RBM6: variants seen among roughly 807,000 people sequenced by gnomAD.
RBM6 encodes RNA-binding protein 6.
In RBM6, 23 loss-of-function variants were observed where a neutral mutation model predicts 140.4. That is an observed-to-expected ratio of 0.16 (90% CI 0.12 to 0.23). The LOEUF (loss-of-function observed/expected upper bound fraction) is 0.23, where lower values mean the gene tolerates loss of function less well. RBM6 is among the 10% of genes least tolerant of loss of function. The pLI is 1.00. For synonymous variants in RBM6, 439 were observed against 475.6 expected (o/e 0.92, Z 1.00); for missense variants, 1,139 against 1,386.7 (o/e 0.82, Z 2.84).
intron 6 of RBM6, among the ~76,000 whole-genome samples, chr3:50,043,686 C>T (rs938546525): frequency 2.0e-5 from 3 of 151,518 alleles, no homozygotes; most frequent in South Asian, 2.1e-4. Context: ...CTGGTTCAAA[C>T]GGTTCTCCTG....
chr3:49,946,165 C>T (rs943821715), intron 1 of RBM6, among the ~76,000 whole-genome samples: 12 of 152,038 alleles, frequency 7.9e-5, no homozygotes, highest in Non-Finnish European at 1.5e-4. Flanking sequence ...TTATGGCAGT[C>T]CTAGCATACT....
chr3:49,951,611 C>G (rs910639049), intron 1 of RBM6, among the ~76,000 whole-genome samples: 1 of 151,804 alleles, frequency 6.6e-6, no homozygotes, highest in African/African-American at 2.4e-5. Flanking sequence ...CACTCTGTTG[C>G]CCAGGCTGGA....
intron 5 of RBM6, among the ~76,000 whole-genome samples, chr3:49,984,875 C>T (rs2085491849): frequency 6.6e-6 from 1 of 152,172 alleles, no homozygotes; most frequent in African/African-American, 2.4e-5. Flanking sequence ...TGCCACTTAC[C>T]AGTTTTGAGA....
In RBM6 at chr3:50,066,390, A is replaced by G. The variant is rs2090123251; in HGVS notation, c.2831A>G (p.Asn944Ser). Residue 944 changes from asparagine (N) to serine (S), a missense_variant, in exon 17 of 21, where the codon AAT (asparagine) becomes AGT (serine). Transcript: ENST00000266022. ...QKREEQTKKE[N>S]EEDKLTDWNK... ...CGAGAGGAGCAAACCAAGAAGGAGA[A>G]TGAAGAAGACAAACTCACTGACTGG... 9 of 1,614,130 alleles carry G rather than the reference A, an allele frequency of 5.6e-6. No individual in the cohort carries two copies. The highest frequency in any genetic ancestry group is 7.6e-6 in the Non-Finnish European group (9 of 1,180,034).
chr3:50,062,210 A>G (rs934648271), intron 15 of RBM6, 102 bp downstream of exon 15: 1 of 1,386,762 alleles, frequency 7.2e-7, no homozygotes, highest in Non-Finnish European at 9.7e-7. Context: ...AGTAACTTTA[A>G]AAATACTCTG....
chr3:49,997,580 A>T (rs1048614825), intron 5 of RBM6, among the ~76,000 whole-genome samples: 1 of 152,128 alleles, frequency 6.6e-6, no homozygotes, highest in Non-Finnish European at 1.5e-5. Flanking sequence ...ACACCTGGGT[A>T]CTCCATTGAT....
intron 5 of RBM6, among the ~76,000 whole-genome samples, chr3:49,995,032 G>A (rs973824281): frequency 2.6e-5 from 4 of 152,122 alleles, no homozygotes; most frequent in South Asian, 4.1e-4. Flanking sequence ...TCAGTATCTC[G>A]TGAGTCAGCT....
At chr3:50,024,500 A>G (rs368057000) in intron 6 of RBM6, among the ~76,000 whole-genome samples, 2 of 152,076 alleles carry the variant, frequency 1.3e-5, no homozygotes, top group South Asian at 4.1e-4. Flanking sequence ...TTTGAGCCTT[A>G]TGTAATTAGA....
chr3:49,948,470 T>A (rs1201383746), intron 1 of RBM6, among the ~76,000 whole-genome samples: 3 of 152,100 alleles, frequency 2.0e-5, no homozygotes, highest in Admixed American at 2.0e-4. Context: ...CTCACGCCTG[T>A]AATCCCAGCA....
chr3:50,011,291 A>T (rs1254502246), intron 6 of RBM6, among the ~76,000 whole-genome samples: 2 of 152,206 alleles, frequency 1.3e-5, no homozygotes, highest in African/African-American at 4.8e-5. Flanking sequence ...ATTTAAGCTA[A>T]ACATCTGAAA....
intron 6 of RBM6, among the ~76,000 whole-genome samples, chr3:50,007,343 C>T (rs531705575): frequency 2.6e-4 from 40 of 151,574 alleles, no homozygotes; most frequent in Admixed American, 1.1e-3. Flanking sequence ...GCTACAGACA[C>T]GTGCCTGGCT....
At chr3:50,020,719 A>G (rs1575714351) in intron 6 of RBM6, among the ~76,000 whole-genome samples, 2 of 152,228 alleles carry the variant, frequency 1.3e-5, no homozygotes, top group Admixed American at 6.5e-5. Context: ...CACCTAGGCT[A>G]TATCATTTAG....
chr3:50,014,206 T>C (rs979322896), intron 6 of RBM6, among the ~76,000 whole-genome samples: 1 of 152,112 alleles, frequency 6.6e-6, no homozygotes, highest in African/African-American at 2.4e-5. Context: ...GGGAATATAG[T>C]GGGAATGCTG....
chr3:50,013,157 T>G lies in RBM6; in HGVS notation c.1557+13644T>G, dbSNP rs2086946678. On this transcript the variant is annotated intron_variant, in intron 6 of 20. Coordinates refer to ENST00000266022, the MANE Select transcript of RBM6 (RefSeq NM_005777.3). ...CTCCCACCAGACTCTTCCTTTGAGGTTGGATGGAGGTGCTTAATGGATGCT... is the reference window on the plus strand; with the variant it reads ...CTCCCACCAGACTCTTCCTTTGAGGGTGGATGGAGGTGCTTAATGGATGCT... 1.3e-5 allele frequency among the ~76,000 whole-genome samples: 2 copies of G among 152,060 alleles called. 1 individual carries two copies. The highest frequency in any genetic ancestry group is 4.8e-5 in the African/African-American group (2 of 41,390).
chr3:49,942,474 G>GCGAGACTC (rs2083328055), intron 1 of RBM6, among the ~76,000 whole-genome samples: 2 of 147,498 alleles, frequency 1.4e-5, no homozygotes, highest in South Asian at 2.1e-4. Context: ...GGGCAACAGA[G>GCGAGACTC]CGAGACTCCG....
At chr3:50,027,199 A>G (rs1323723120) in intron 6 of RBM6, among the ~76,000 whole-genome samples, 1 of 152,108 alleles carries the variant, frequency 6.6e-6, no homozygotes, top group Non-Finnish European at 1.5e-5. Context: ...GGCTTGGGGT[A>G]GGAGGGGTAG....
chr3:49,943,136 A>G (rs1471929155), intron 1 of RBM6, among the ~76,000 whole-genome samples: 1 of 152,070 alleles, frequency 6.6e-6, no homozygotes, highest in African/African-American at 2.4e-5. Context: ...TTGTTTATTA[A>G]TTCATTTGTA....
intron 4 of RBM6, among the ~76,000 whole-genome samples, chr3:49,975,005 AT>A (rs60771087): frequency 5.7e-3 from 793 of 138,776 alleles, no homozygotes; most frequent in African/African-American, 4.8e-3. Flanking sequence ...CTAATTAAGA[AT>A]TTTTTTTTTT....
In RBM6 at chr3:50,070,557, G is replaced by A. The variant is rs765378134; in HGVS notation, c.3116+5G>A. ...GTACTCCAGGGAAACTGACAGGTAA[G>A]CCAGGAACTCTTCATTCAGCCTAGG... On this transcript the variant is annotated splice_donor_5th_base_variant and intron_variant, in intron 19 of 20. Coordinates refer to ENST00000266022, the MANE Select transcript of RBM6 (RefSeq NM_005777.3). 7 of 1,605,976 alleles carry A rather than the reference G, an allele frequency of 4.4e-6. No homozygotes were observed. The South Asian group carries it at 7.7e-5, about 18-fold the overall frequency.
Sources: gnomAD v4.1 joint callset for allele counts (sites outside exome capture counted in the v4.1 genomes callset) on GRCh38, gnomAD v4.1.1 for gene constraint, MANE v1.5 for transcripts, NCBI Gene and HGNC (gene_info 2026-07-23, HGNC 2026-07-21) for gene names.